The following WWOX variants were observed in gnomAD, a reference collection of about 807,000 sequenced individuals.
WWOX encodes the protein WW domain containing oxidoreductase.
In WWOX, 69 loss-of-function variants were observed where a neutral mutation model predicts 46.2. That is an observed-to-expected ratio of 1.49 (90% CI 1.23 to 1.82). The LOEUF (loss-of-function observed/expected upper bound fraction) is 1.82. Ranked by LOEUF, WWOX falls within the 40% of genes most tolerant of loss-of-function variation. WWOX has a pLI of 0.00. For missense variants in WWOX, 919 were observed against 542.6 expected (o/e 1.69, Z -6.89); for synonymous variants, 359 against 202.6 (o/e 1.77, Z -6.56).
chr16:78,837,299 C>T (rs962188507), intron 8 of WWOX, among the ~76,000 whole-genome samples: 1 of 152,100 alleles, frequency 6.6e-6, no homozygotes, highest in Non-Finnish European at 1.5e-5. Flanking sequence ...TCATTTCTTC[C>T]AACACTTAGA....
chr16:78,776,635 A>T (rs544309155), intron 8 of WWOX, among the ~76,000 whole-genome samples: 1 of 152,200 alleles, frequency 6.6e-6, no homozygotes, highest in Non-Finnish European at 1.5e-5. Flanking sequence ...TCACACTGCT[A>T]TAAAAAACTG....
chr16:78,103,342 T>G (rs1254178661), intron 1 of WWOX, among the ~76,000 whole-genome samples: 2 of 151,912 alleles, frequency 1.3e-5, no homozygotes, highest in Non-Finnish European at 2.9e-5. Flanking sequence ...TGTGCCATGG[T>G]GACTTGCTGC....
chr16:78,421,083 C>T (rs769050153), intron 6 of WWOX, among the ~76,000 whole-genome samples: 7 of 152,010 alleles, frequency 4.6e-5, no homozygotes, highest in Non-Finnish European at 8.8e-5. Context: ...ATTATGGATT[C>T]TTGGGCATAA....
At chr16:79,071,354 C>T (rs1041881220) in intron 8 of WWOX, among the ~76,000 whole-genome samples, 7 of 152,116 alleles carry the variant, frequency 4.6e-5, no homozygotes, top group African/African-American at 1.7e-4. Context: ...TTAAAGGAAG[C>T]CAGAAAAGCT....
chr16:78,168,867 T>C (rs909596642), intron 5 of WWOX, among the ~76,000 whole-genome samples: 1 of 152,224 alleles, frequency 6.6e-6, no homozygotes, highest in Non-Finnish European at 1.5e-5. Context: ...TTACTATGAC[T>C]ACTAATTATT....
At chr16:78,339,018 T>C (rs72792400) in intron 5 of WWOX, among the ~76,000 whole-genome samples, 13,658 of 119,950 alleles carry the variant, frequency 0.11, 4,130 homozygotes, top group East Asian at 0.21. Flanking sequence ...CATTTTCTAG[T>C]CTTAGATATT....
chr16:79,210,124 C>T (rs905760691), intron 8 of WWOX, among the ~76,000 whole-genome samples: 23 of 152,194 alleles, frequency 1.5e-4, no homozygotes, highest in African/African-American at 5.5e-4. Flanking sequence ...GTCTTTGTCT[C>T]ACTCACGGTC....
At chr16:78,844,016 C>A (rs2052231978) in intron 8 of WWOX, among the ~76,000 whole-genome samples, 1 of 152,096 alleles carries the variant, frequency 6.6e-6, no homozygotes, top group African/African-American at 2.4e-5. Context: ...TGAGAATAGC[C>A]AGGGGTTAAA....
chr16:79,178,711 G>C (rs745956650), intron 8 of WWOX, among the ~76,000 whole-genome samples: 1 of 152,162 alleles, frequency 6.6e-6, no homozygotes, highest in Admixed American at 6.5e-5. Context: ...AAAGGTATGG[G>C]ATGTGCCTAC....
chr16:78,231,666 A>C (rs2037266927), intron 5 of WWOX, among the ~76,000 whole-genome samples: 1 of 152,200 alleles, frequency 6.6e-6, no homozygotes, highest in South Asian at 2.1e-4. Context: ...ACCCAAGAGA[A>C]GGCAGAAAAC....
At chr16:78,931,039 A>G (rs1326217190) in intron 8 of WWOX, among the ~76,000 whole-genome samples, 2 of 152,246 alleles carry the variant, frequency 1.3e-5, no homozygotes, top group African/African-American at 4.8e-5. Context: ...TGTGAGTATC[A>G]CATGAGAAAT....
intron 4 of WWOX, among the ~76,000 whole-genome samples, chr16:78,157,214 T>A (rs2151727889): frequency 6.6e-6 from 1 of 152,290 alleles, no homozygotes; most frequent in Non-Finnish European, 1.5e-5. Flanking sequence ...GGCTCCCAAA[T>A]GCAGTTGTGT....
chr16:78,279,991 C>T (rs2079647417), intron 5 of WWOX, among the ~76,000 whole-genome samples: 1 of 152,220 alleles, frequency 6.6e-6, no homozygotes, highest in African/African-American at 2.4e-5. Flanking sequence ...TCCGTTTCCC[C>T]TCTTTCTGAT....
intron 8 of WWOX, among the ~76,000 whole-genome samples, chr16:78,638,302 A>G (rs1432329967): frequency 2.6e-5 from 4 of 152,198 alleles, no homozygotes; most frequent in Non-Finnish European, 5.9e-5. Context: ...AACCCAAGAC[A>G]TAGGCCCAGG....
At chr16:78,985,271 G>A (rs1475056960) in intron 8 of WWOX, among the ~76,000 whole-genome samples, 1 of 152,198 alleles carries the variant, frequency 6.6e-6, no homozygotes, top group African/African-American at 2.4e-5. Context: ...CTGTCACTCT[G>A]TCACAGTGCA....
chr16:78,559,094 G>C (rs549303216), intron 8 of WWOX, among the ~76,000 whole-genome samples: 2 of 152,346 alleles, frequency 1.3e-5, no homozygotes, highest in Admixed American at 6.5e-5. Flanking sequence ...TAGCTTGGGA[G>C]AGGGACAGTA....
In WWOX at chr16:78,261,270, G is replaced by GATAC. The variant is rs1308108295; in HGVS notation, c.516+96984_516+96985insCATA. On this transcript the variant is annotated intron_variant, in intron 5 of 8. Transcript: ENST00000566780. ...ATTTTAATGTGTGGTAAGGTAGATAGATAGATAGATAGATACATACATACA... is the reference window on the plus strand; with the variant it reads ...ATTTTAATGTGTGGTAAGGTAGATAGATACATAGATAGATAGATACATACATACA... 1.8e-4 allele frequency among the ~76,000 whole-genome samples: 23 copies of GATAC among 124,806 alleles called. 1 individual carries two copies. Among genetic ancestry groups the GATAC allele is most frequent in the African/African-American group, 4.0e-4 (12 of 30,278 alleles). 81.9% of individuals were successfully genotyped at this position (124,806 alleles called of 152,430 possible). A position where few individuals can be genotyped will look rare whatever the true frequency, so the allele number is the denominator to read the frequency against.
chr16:79,105,765 C>T (rs948743491), intron 8 of WWOX, among the ~76,000 whole-genome samples: 6 of 151,806 alleles, frequency 4.0e-5, no homozygotes, highest in Non-Finnish European at 8.8e-5. Flanking sequence ...TGGATGCCAG[C>T]AATCCTCCCA....
At chr16:78,205,046 A>G (rs1432639077) in intron 5 of WWOX, among the ~76,000 whole-genome samples, 1 of 152,248 alleles carries the variant, frequency 6.6e-6, no homozygotes, top group African/African-American at 2.4e-5. Context: ...CTTATGGCAG[A>G]CATGAACATG....
Sources: gnomAD v4.1 joint callset for allele counts (sites outside exome capture counted in the v4.1 genomes callset) on GRCh38, gnomAD v4.1.1 for gene constraint, MANE v1.5 for transcripts, NCBI Gene and HGNC (gene_info 2026-07-23, HGNC 2026-07-21) for gene names.